CHD6: variants seen among roughly 807,000 people sequenced by gnomAD.
CHD6 encodes the protein chromodomain helicase DNA binding protein 6.
CHD6 carries 50 observed loss-of-function variants against 276.9 expected under a neutral mutation model. The ratio of observed to expected loss-of-function variants is 0.18; its 90% CI spans 0.14 to 0.23. The LOEUF (loss-of-function observed/expected upper bound fraction) is 0.23, where lower values mean the gene tolerates loss of function less well. Among genes scored for constraint, CHD6 ranks in the 10% least tolerant of loss-of-function variants. CHD6 has a pLI of 1.00. For missense variants in CHD6, 2,564 were observed against 3,365.8 expected (o/e 0.76, Z 5.89); for synonymous variants, 1,173 against 1,229.3 (o/e 0.95, Z 0.96).
intron 1 of CHD6, among the ~76,000 whole-genome samples, chr20:41,616,139 T>A (rs1007424418): frequency 6.6e-6 from 1 of 152,244 alleles, no homozygotes; most frequent in Non-Finnish European, 1.5e-5. Flanking sequence ...GTCGTATTTC[T>A]CCCACTTCAC....
At chr20:41,411,773 A>T (rs1170545077) in intron 36 of CHD6, among the ~76,000 whole-genome samples, 1 of 152,242 alleles carries the variant, frequency 6.6e-6, no homozygotes. Context: ...ATGGTAGCCA[A>T]AAAAACCTAA....
intron 1 of CHD6, among the ~76,000 whole-genome samples, chr20:41,558,903 G>A (rs528191057): frequency 1.6e-4 from 24 of 152,052 alleles, no homozygotes; most frequent in Non-Finnish European, 2.8e-4. Flanking sequence ...TCCTCCACCA[G>A]GTACTTATTA....
chr20:41,409,133 G>A (rs377565302), intron 36 of CHD6, among the ~76,000 whole-genome samples: 2 of 152,230 alleles, frequency 1.3e-5, no homozygotes, highest in African/African-American at 2.4e-5. Flanking sequence ...TAAAGAGAAC[G>A]CTCTTCATTT....
At chr20:41,617,990 C>T (rs1279012407) in intron 1 of CHD6, among the ~76,000 whole-genome samples, 1 of 146,642 alleles carries the variant, frequency 6.8e-6, no homozygotes, top group Non-Finnish European at 1.5e-5. Flanking sequence ...GCCAGGCCCG[C>T]GGCCGGGGTC....
At chr20:41,488,357 T>C in intron 13 of CHD6, 71 bp downstream of exon 13, 3 of 1,346,376 alleles carry the variant, frequency 2.2e-6, no homozygotes, top group Non-Finnish European at 3.0e-6. Context: ...ACATGCAGAA[T>C]GGCTAAAGAG....
chr20:41,445,706 G>A lies in CHD6; in HGVS notation c.3836C>T (p.Ala1279Val). Residue 1279 changes from alanine to valine, a missense_variant, in exon 25 of 37, where the codon GCT becomes GTT. By Grantham distance (64) the Ala-to-Val change is moderately conservative. Coordinates refer to ENST00000373233, the MANE Select transcript of CHD6 (RefSeq NM_032221.5). Reference sequence around the variant, plus strand: ...AATGAGAAGTGACTTATCGGCTTCAGCATCCCACCAGTCCACTGGGATCTC... The same window carrying A: ...AATGAGAAGTGACTTATCGGCTTCAACATCCCACCAGTCCACTGGGATCTC... ...YMEIPVDWWD[A>V]EADKSLLIGV... 1 of 1,613,772 alleles carries A rather than the reference G, an allele frequency of 6.2e-7. No individual in the cohort carries two copies. The highest frequency in any genetic ancestry group is 8.5e-7 in the Non-Finnish European group (1 of 1,179,716).
intron 25 of CHD6, 148 bp downstream of exon 25, chr20:41,445,517 G>A (rs2048037819): frequency 1.7e-6 from 1 of 593,984 alleles, no homozygotes; most frequent in Non-Finnish European, 3.1e-6. Context: ...ATTCCAAGAG[G>A]GCAGCTGTGA....
intron 17 of CHD6, among the ~76,000 whole-genome samples, chr20:41,466,071 G>A (rs192952764): frequency 9.9e-5 from 15 of 152,208 alleles, no homozygotes; most frequent in South Asian, 2.1e-4. Context: ...GCGTGGTGGC[G>A]CGTGCCTGTA....
chr20:41,445,588 G>A (rs183366366), intron 25 of CHD6, 77 bp downstream of exon 25: 122 of 853,224 alleles, frequency 1.4e-4, no homozygotes, highest in East Asian at 1.1e-3. Flanking sequence ...AACATGCCGA[G>A]CTTAGTTGGA....
At chr20:41,588,977 T>C (rs1180470927) in intron 1 of CHD6, among the ~76,000 whole-genome samples, 1 of 152,192 alleles carries the variant, frequency 6.6e-6, no homozygotes, top group Non-Finnish European at 1.5e-5. Context: ...AATAAAATAC[T>C]GGCAAACCGA....
At chr20:41,555,308 G>A (rs2045212937) in intron 1 of CHD6, among the ~76,000 whole-genome samples, 1 of 145,760 alleles carries the variant, frequency 6.9e-6, no homozygotes, top group Non-Finnish European at 1.5e-5. Context: ...AGTAGGGGCG[G>A]CCGGGCAGAG....
chr20:41,582,774 CA>C (rs1322211199), intron 1 of CHD6, among the ~76,000 whole-genome samples: 2 of 152,164 alleles, frequency 1.3e-5, no homozygotes, highest in Non-Finnish European at 2.9e-5. Context: ...CAAACTTCAA[CA>C]GAAAGATGAA....
chr20:41,422,644 T>C (rs2047232830), intron 30 of CHD6, among the ~76,000 whole-genome samples: 1 of 152,158 alleles, frequency 6.6e-6, no homozygotes, highest in African/African-American at 2.4e-5. Context: ...CATCTCTTAG[T>C]TCTCATGAAA....
At chr20:41,584,630 C>T (rs2045574203) in intron 1 of CHD6, among the ~76,000 whole-genome samples, 1 of 151,830 alleles carries the variant, frequency 6.6e-6, no homozygotes, top group Non-Finnish European at 1.5e-5. Flanking sequence ...TATCCAACTA[C>T]AAAAAAATTA....
chr20:41,466,547 T>C (rs1439197569), intron 17 of CHD6, among the ~76,000 whole-genome samples: 1 of 152,188 alleles, frequency 6.6e-6, no homozygotes, highest in East Asian at 1.9e-4. Flanking sequence ...ACTGGGAGGT[T>C]TGATGAATGA....
rs1286351757 is a variant in CHD6, at chr20:41,452,462, G to C, written c.3323+278C>G. Reference sequence around the variant, plus strand: ...CTTGTATATCCTTGCGGGGTGGGAGGAAGCAGGAAATCAGTACCAGACAGC... The same window carrying C: ...CTTGTATATCCTTGCGGGGTGGGAGCAAGCAGGAAATCAGTACCAGACAGC... On this transcript the variant is annotated intron_variant, in intron 21 of 36. Transcript: ENST00000373233. The surrounding 1 kb of genome is among the most constrained non-coding windows in gnomAD (Gnocchi z 4.2). 6.6e-6 allele frequency among the ~76,000 whole-genome samples: 1 copy of C among 152,210 alleles called. No homozygotes were observed. The highest frequency in any genetic ancestry group is 1.5e-5 in the Non-Finnish European group (1 of 68,026).
intron 27 of CHD6, among the ~76,000 whole-genome samples, chr20:41,435,670 A>G (rs184554617): frequency 1.3e-5 from 2 of 152,214 alleles, no homozygotes; most frequent in Admixed American, 6.5e-5. Context: ...TAAAAACTCA[A>G]TGAAGATGTC....
chr20:41,454,025 G>A (rs1353441666), intron 20 of CHD6, among the ~76,000 whole-genome samples: 1 of 152,118 alleles, frequency 6.6e-6, no homozygotes, highest in Non-Finnish European at 1.5e-5. Flanking sequence ...CATTTAAGGG[G>A]TGCCTCACAG....
chr20:41,497,308 G>T (rs2043711535), intron 8 of CHD6, 76 bp downstream of exon 8: 2 of 953,768 alleles, frequency 2.1e-6, no homozygotes, highest in Non-Finnish European at 3.4e-6. Context: ...ATTTAACTTG[G>T]ACTTAGAAAC....
Sources: gnomAD v4.1 joint callset for allele counts (sites outside exome capture counted in the v4.1 genomes callset) on GRCh38, gnomAD v4.1.1 for gene constraint, Gnocchi (gnomAD v3.1) non-coding constraint, MANE v1.5 for transcripts, NCBI Gene and HGNC (gene_info 2026-07-23, HGNC 2026-07-21) for gene names.